Variants in CPQ observed in about 807,000 individuals in gnomAD.
CPQ encodes the protein carboxypeptidase Q, also known as Ser-Met dipeptidase.
A neutral mutation model predicts 45.7 loss-of-function variants in CPQ; 37 were observed. The ratio of observed to expected loss-of-function variants is 0.81; its 90% confidence interval spans 0.62 to 1.07. CPQ has a LOEUF of 1.07. CPQ is among the 50% of genes least tolerant of loss of function. The pLI is 0.00. For missense variants in CPQ, 537 were observed against 572.9 expected, an observed-to-expected ratio of 0.94 and a Z score of 0.64; for synonymous variants, 186 against 205.8, an observed-to-expected ratio of 0.90 and a Z score of 0.82.
intron 4 of CPQ, among the ~76,000 whole-genome samples, chr8:96,883,732 G>T (rs139602756): frequency 6.6e-6 from 1 of 152,098 alleles, no homozygotes; most frequent in Non-Finnish European, 1.5e-5. Flanking sequence ...AATAAATGTC[G>T]CTTCTTCCAT....
intron 1 of CPQ, among the ~76,000 whole-genome samples, chr8:96,712,006 T>C (rs1402914936): frequency 6.6e-6 from 1 of 151,974 alleles, no homozygotes; most frequent in African/African-American, 2.4e-5. Flanking sequence ...GATACAGACA[T>C]TGGGTAAATA....
At chr8:96,723,414 G>T (rs1392153728) in intron 1 of CPQ, among the ~76,000 whole-genome samples, 1 of 152,168 alleles carries the variant, frequency 6.6e-6, no homozygotes, top group Non-Finnish European at 1.5e-5. Context: ...TTGTTATTTA[G>T]AGTGGTGGTT....
chr8:96,856,973 G>A (rs781151252), intron 3 of CPQ, among the ~76,000 whole-genome samples: 44 of 152,310 alleles, frequency 2.9e-4, no homozygotes, highest in Non-Finnish European at 5.9e-4. Context: ...AGTTCCTGGA[G>A]CATCCTCAGT....
chr8:96,965,585 G>T (rs1168837776), intron 4 of CPQ, among the ~76,000 whole-genome samples: 1 of 151,952 alleles, frequency 6.6e-6, no homozygotes, highest in Non-Finnish European at 1.5e-5. Flanking sequence ...TAACCAGGAT[G>T]GTCTTGATCT....
chr8:96,753,066 A>AAATT (rs765669000), intron 1 of CPQ, among the ~76,000 whole-genome samples: 5 of 152,160 alleles, frequency 3.3e-5, no homozygotes, highest in Non-Finnish European at 5.9e-5. Context: ...AATGTATTTG[A>AAATT]AATTAATTTT....
At chr8:96,670,808 A>G (rs1256022997) in intron 1 of CPQ, among the ~76,000 whole-genome samples, 2 of 151,610 alleles carry the variant, frequency 1.3e-5, no homozygotes, top group Non-Finnish European at 2.9e-5. Flanking sequence ...TTATATAACA[A>G]TCTTTAAATG....
At chr8:96,809,975 C>T (rs560148515) in intron 2 of CPQ, among the ~76,000 whole-genome samples, 1 of 152,260 alleles carries the variant, frequency 6.6e-6, no homozygotes, top group Admixed American at 6.5e-5. Flanking sequence ...CCATACACAC[C>T]TTACTGTTTC....
intron 3 of CPQ, among the ~76,000 whole-genome samples, chr8:96,859,141 A>C (rs1188282591): frequency 1.3e-5 from 2 of 152,208 alleles, no homozygotes; most frequent in Non-Finnish European, 2.9e-5. Context: ...TGATTGCCTT[A>C]ATCCAACAAC....
chr8:96,822,124 A>G (rs1206352781), intron 2 of CPQ, among the ~76,000 whole-genome samples: 3 of 151,964 alleles, frequency 2.0e-5, no homozygotes, highest in Admixed American at 2.0e-4. Context: ...AGTTTTCTAG[A>G]TTCCACGTAT....
At chr8:97,086,220 A>T (rs1489935639) in intron 7 of CPQ, among the ~76,000 whole-genome samples, 2 of 152,212 alleles carry the variant, frequency 1.3e-5, no homozygotes, top group African/African-American at 4.8e-5. Context: ...ACCTGTAATA[A>T]AATTTTTGCT....
intron 4 of CPQ, among the ~76,000 whole-genome samples, chr8:96,902,358 C>T (rs372552599): frequency 4.9e-4 from 74 of 152,226 alleles, no homozygotes; most frequent in Non-Finnish European, 8.8e-4. Context: ...ATAAATTGTC[C>T]GATGTTGCAT....
At chr8:96,857,478 C>T (rs1308418708) in intron 3 of CPQ, among the ~76,000 whole-genome samples, 2 of 152,052 alleles carry the variant, frequency 1.3e-5, no homozygotes, top group African/African-American at 2.4e-5. Flanking sequence ...TAAGGATAAA[C>T]GATCAGAGGA....
At chr8:96,690,085 C>G (rs996099907) in intron 1 of CPQ, among the ~76,000 whole-genome samples, 25 of 151,936 alleles carry the variant, frequency 1.6e-4, no homozygotes, top group African/African-American at 5.3e-4. Context: ...TTTACTTGGG[C>G]TCTTGTATAC....
chr8:96,696,699 C>T (rs948547755), intron 1 of CPQ, among the ~76,000 whole-genome samples: 7 of 151,876 alleles, frequency 4.6e-5, no homozygotes, highest in Admixed American at 2.0e-4. Flanking sequence ...ACAACCAATA[C>T]CACAGAAATT....
chr8:97,114,797 G>A (rs1811555911), intron 7 of CPQ, among the ~76,000 whole-genome samples: 1 of 152,112 alleles, frequency 6.6e-6, no homozygotes, highest in Admixed American at 6.6e-5. Context: ...CCTTTCTCTG[G>A]TTAAACATTT....
intron 1 of CPQ, among the ~76,000 whole-genome samples, chr8:96,737,847 T>C (rs369324658): frequency 1.7e-4 from 26 of 152,224 alleles, no homozygotes; most frequent in African/African-American, 5.8e-4. Context: ...ATTATGTATA[T>C]TTAAGTTGTA....
intron 1 of CPQ, among the ~76,000 whole-genome samples, chr8:96,690,322 G>A (rs147034401): frequency 1.1e-4 from 17 of 152,240 alleles, no homozygotes; most frequent in South Asian, 8.3e-4. Flanking sequence ...AAAGGTTTGT[G>A]TGAGAGGGGC....
At chr8:97,126,518 A>G (rs886233062) in intron 7 of CPQ, among the ~76,000 whole-genome samples, 1 of 152,210 alleles carries the variant, frequency 6.6e-6, no homozygotes, top group Non-Finnish European at 1.5e-5. Flanking sequence ...GTACATAGAA[A>G]ATCCTAAGAA....
intron 6 of CPQ, among the ~76,000 whole-genome samples, chr8:97,043,003 C>T (rs1259720474): frequency 2.2e-4 from 33 of 150,420 alleles, no homozygotes; most frequent in Middle Eastern, 3.4e-3. Flanking sequence ...CTATTAGGTC[C>T]GCTTGGTGCA....
Sources: allele counts gnomAD v4.1 joint callset (sites outside exome capture counted in the v4.1 genomes callset), GRCh38; gene constraint gnomAD v4.1.1; transcripts MANE v1.5; gene names NCBI Gene and HGNC (gene_info 2026-07-23, HGNC 2026-07-21).